The following MACROD2 variants were observed in gnomAD, a reference collection of about 807,000 sequenced individuals.
MACROD2 encodes the protein ADP-ribose glycohydrolase MACROD2.
Under a neutral mutation model 70.4 loss-of-function variants are expected in MACROD2, and 36 were observed. The ratio of observed to expected loss-of-function variants is 0.51; its 90% CI spans 0.39 to 0.68. MACROD2 has a LOEUF of 0.68. MACROD2 is among the 30% of genes least tolerant of loss of function. The pLI is 0.00. For synonymous variants in MACROD2, 172 were observed against 178.8 expected, an observed-to-expected ratio of 0.96 and a Z score of 0.30; for missense variants, 496 against 538.4, an observed-to-expected ratio of 0.92 and a Z score of 0.78.
intron 3 of MACROD2, among the ~76,000 whole-genome samples, chr20:14,218,172 T>C (rs1016108730): frequency 1.3e-5 from 2 of 152,202 alleles, no homozygotes; most frequent in African/African-American, 4.8e-5. Context: ...TATTAGTAAT[T>C]GTCTTATAAA....
chr20:14,650,451 TA>T (rs1246765303), intron 4 of MACROD2, among the ~76,000 whole-genome samples: 3 of 152,232 alleles, frequency 2.0e-5, no homozygotes, highest in African/African-American at 7.2e-5. Context: ...TTGAGCTTTG[TA>T]AAAATGATTA....
At chr20:15,085,873 AACACACACACAC>A (rs3070249) in intron 5 of MACROD2, among the ~76,000 whole-genome samples, 53 of 144,386 alleles carry the variant, frequency 3.7e-4, no homozygotes, top group Non-Finnish European at 4.7e-4. Flanking sequence ...ACACACACAC[AACACACACACAC>A]ACACACACAC....
At chr20:14,169,326 C>G (rs1395752120) in intron 3 of MACROD2, among the ~76,000 whole-genome samples, 2 of 151,866 alleles carry the variant, frequency 1.3e-5, no homozygotes, top group Non-Finnish European at 2.9e-5. Flanking sequence ...GGGCGGTGGA[C>G]AGAGTTTCAC....
At chr20:14,525,900 A>G (rs1394104388) in intron 4 of MACROD2, among the ~76,000 whole-genome samples, 2 of 152,158 alleles carry the variant, frequency 1.3e-5, no homozygotes, top group South Asian at 2.1e-4. Flanking sequence ...GCCAATAGCT[A>G]TTGGATTCAT....
intron 4 of MACROD2, among the ~76,000 whole-genome samples, chr20:14,625,468 CG>C (rs1360741164): frequency 6.6e-6 from 1 of 151,898 alleles, no homozygotes; most frequent in Non-Finnish European, 1.5e-5. Context: ...CAATCACCAC[CG>C]AAAAAGCTCT....
At chr20:15,109,794 T>C (rs1464491389) in intron 5 of MACROD2, among the ~76,000 whole-genome samples, 1 of 152,170 alleles carries the variant, frequency 6.6e-6, no homozygotes, top group Admixed American at 6.5e-5. Flanking sequence ...TACTCAATCA[T>C]TCAGAAAAGT....
At chr20:14,768,698 C>T (rs1198285777) in intron 5 of MACROD2, among the ~76,000 whole-genome samples, 1 of 151,122 alleles carries the variant, frequency 6.6e-6, no homozygotes, top group African/African-American at 2.4e-5. Context: ...CTCACTGCAG[C>T]CTCTGCCTCC....
chr20:15,928,936 A>G (rs1014742144), intron 10 of MACROD2, among the ~76,000 whole-genome samples: 20 of 152,194 alleles, frequency 1.3e-4, no homozygotes, highest in African/African-American at 4.8e-4. Context: ...ATTTTTTTAT[A>G]AAAGAGTGCT....
At chr20:14,412,092 T>G (rs1399516020) in intron 3 of MACROD2, among the ~76,000 whole-genome samples, 1 of 152,206 alleles carries the variant, frequency 6.6e-6, no homozygotes, top group East Asian at 1.9e-4. Flanking sequence ...TGTCTTCCTT[T>G]TAAGCTCAAA....
At chr20:15,330,217 T>C (rs2077977227) in intron 6 of MACROD2, among the ~76,000 whole-genome samples, 1 of 152,106 alleles carries the variant, frequency 6.6e-6, no homozygotes, top group South Asian at 2.1e-4. Context: ...CTTCTTTGTA[T>C]GGAGCCTCCA....
intron 3 of MACROD2, among the ~76,000 whole-genome samples, chr20:14,282,295 A>C (rs577811410): frequency 2.6e-5 from 4 of 152,202 alleles, no homozygotes; most frequent in Non-Finnish European, 5.9e-5. Flanking sequence ...CTTAAAGGTT[A>C]GTTGAATGTA....
chr20:14,541,109 C>T (rs1026298690), intron 4 of MACROD2, among the ~76,000 whole-genome samples: 2 of 152,144 alleles, frequency 1.3e-5, no homozygotes, highest in Non-Finnish European at 2.9e-5. Context: ...GAATAATAAG[C>T]TTATAATAAA....
At chr20:15,881,632 G>T (rs1368135363) in intron 9 of MACROD2, among the ~76,000 whole-genome samples, 2 of 152,120 alleles carry the variant, frequency 1.3e-5, no homozygotes, top group East Asian at 1.9e-4. Flanking sequence ...GCTGGTTATT[G>T]TTTAAATGTG....
rs374331756 is a variant in MACROD2 at position 14,063,888 on chromosome 20, G to A, written c.164-21733G>A. 3.0e-4 allele frequency among the ~76,000 whole-genome samples: 45 copies of A among 152,048 alleles called. 1 individual carries two copies. In the East Asian group the frequency reaches 3.5e-3, roughly 12 times the overall value. ...AACTAAGTTGTGTACCACCACACCC[G>A]GCTAATTTTTGTATACTTTGTGGAG... On this transcript the variant is annotated intron_variant, in intron 2 of 17. Coordinates refer to ENST00000684519, the MANE Select transcript of MACROD2 (RefSeq NM_001351661.2).
intron 4 of MACROD2, among the ~76,000 whole-genome samples, chr20:14,633,131 CTGTGGT>C (rs1984603782): frequency 6.6e-6 from 1 of 152,214 alleles, no homozygotes; most frequent in Non-Finnish European, 1.5e-5. Flanking sequence ...CTTCTTTGGC[CTGTGGT>C]TGCATCACTC....
intron 4 of MACROD2, among the ~76,000 whole-genome samples, chr20:14,571,292 G>A (rs1980173752): frequency 6.6e-6 from 1 of 151,992 alleles, no homozygotes; most frequent in South Asian, 2.1e-4. Context: ...TAGGAGATGA[G>A]GAGTGTATCT....
chr20:15,736,927 A>T (rs1450875977), intron 8 of MACROD2, among the ~76,000 whole-genome samples: 1 of 152,204 alleles, frequency 6.6e-6, no homozygotes, highest in Non-Finnish European at 1.5e-5. Context: ...TGAGGCTAGT[A>T]TTTTTAAGAA....
chr20:15,546,367 AG>A (rs2048026483), intron 8 of MACROD2, among the ~76,000 whole-genome samples: 1 of 152,198 alleles, frequency 6.6e-6, no homozygotes, highest in East Asian at 1.9e-4. Context: ...AACCCCAGCA[AG>A]TTTCTCATAA....
At chr20:15,367,381 T>C (rs1410079801) in intron 6 of MACROD2, among the ~76,000 whole-genome samples, 2 of 152,216 alleles carry the variant, frequency 1.3e-5, no homozygotes, top group Non-Finnish European at 2.9e-5. Flanking sequence ...TTCTTCTGAA[T>C]TATTTAATTG....
Sources: gnomAD v4.1 joint callset for allele counts (sites outside exome capture counted in the v4.1 genomes callset) on GRCh38, gnomAD v4.1.1 for gene constraint, MANE v1.5 for transcripts, NCBI Gene and HGNC (gene_info 2026-07-23, HGNC 2026-07-21) for gene names.